Variants in ONECUT3 observed in about 807,000 individuals in gnomAD.
ONECUT3 encodes one cut homeobox 3, also known as one cut domain family member 3.
Under a neutral mutation model 16.8 loss-of-function variants are expected in ONECUT3, and 11 were observed. The observed-to-expected ratio is 0.66, with a 90% CI of 0.41 to 1.09. ONECUT3 has a LOEUF of 1.09. ONECUT3 is among the 50% of genes least tolerant of loss of function. The pLI, the probability that ONECUT3 is intolerant of heterozygous loss-of-function variation, is 0.00. For missense variants in ONECUT3, 637 were observed against 629.9 expected, an observed-to-expected ratio of 1.01 and a Z score of -0.12; for synonymous variants, 344 against 310.7, an observed-to-expected ratio of 1.11 and a Z score of -1.13.
rs552622199 is a variant in ONECUT3, at chr19:1,755,892, G to C, written c.1192+1038G>C. On this transcript the variant is annotated intron_variant, in intron 1 of 1. Transcript: ENST00000382349. The surrounding 1 kb of genome is among the most constrained non-coding windows in gnomAD (Gnocchi z 7.5). Reference sequence around the variant, plus strand: ...CCATTTCCTAGGTGGGGGTGTAAGGGTGCAGGAGGGCCCCTGGCCTAGGTG... The same window carrying C: ...CCATTTCCTAGGTGGGGGTGTAAGGCTGCAGGAGGGCCCCTGGCCTAGGTG... Among the ~76,000 whole-genome samples, 36 of 152,238 alleles carry C rather than the reference G, an allele frequency of 2.4e-4. No homozygotes were observed. Among genetic ancestry groups the C allele is most frequent in the African/African-American group, 8.4e-4 (35 of 41,542 alleles).
chr19:1,761,378 C>T (rs1424582581), intron 1 of ONECUT3, among the ~76,000 whole-genome samples: 1 of 152,166 alleles, frequency 6.6e-6, no homozygotes, highest in African/African-American at 2.4e-5. Context: ...CTGCCGTCTC[C>T]CCCACATCCT....
In ONECUT3 at chr19:1,755,183, TTGTGTGTGTGCGTG is replaced by T. The variant is rs1351728284; in HGVS notation, c.1192+340_1192+353del. On this transcript the variant is annotated intron_variant, in intron 1 of 1. Transcript: ENST00000382349. This position sits in a 1 kb window ranked among gnomAD's most constrained non-coding sequence, Gnocchi z 7.5. ...CCCAAGCAGCCCTCAGGGAAGCTCATTGTGTGTGTGCGTGTGTGTGTGTGAGCGCGCGCCTGTTG... is the reference window on the plus strand; with the variant it reads ...CCCAAGCAGCCCTCAGGGAAGCTCATTGTGTGTGTGAGCGCGCGCCTGTTG... Among the ~76,000 whole-genome samples the T allele has an allele frequency of 6.6e-6, 1 of 151,832 alleles. No homozygotes were observed. Among genetic ancestry groups the T allele is most frequent in the Non-Finnish European group, 1.5e-5 (1 of 67,928 alleles).
chr19:1,759,231 G>T lies in ONECUT3; in HGVS notation c.1192+4377G>T, dbSNP rs573334259. Among the ~76,000 whole-genome samples the T allele has an allele frequency of 5.3e-4, 80 of 152,308 alleles. No homozygotes were observed. The highest frequency in any genetic ancestry group is 1.9e-4 in the East Asian group (1 of 5,184). ...TGTTTGGTGGTGGGTGAGCAGGGGG[G>T]ATGCCAGGGACTGGGGACCTGAGGG... On this transcript the variant is annotated intron_variant, in intron 1 of 1. Coordinates refer to ENST00000382349, the MANE Select transcript of ONECUT3 (RefSeq NM_001080488.2). The surrounding 1 kb of genome is among the most constrained non-coding windows in gnomAD (Gnocchi z 4.1).
intron 1 of ONECUT3, among the ~76,000 whole-genome samples, chr19:1,761,144 C>T (rs2067944480): frequency 1.3e-5 from 2 of 150,918 alleles, no homozygotes; most frequent in Non-Finnish European, 2.9e-5. Flanking sequence ...CCTCTGCCTC[C>T]CAGGTTCAAG....
chr19:1,775,399 C>A lies in ONECUT3; in HGVS notation c.1439C>A (p.Ala480Asp), dbSNP rs1200761811. 1.3e-6 allele frequency: 2 copies of A among 1,528,974 alleles called. No individual in the cohort carries two copies. The highest frequency in any genetic ancestry group is 1.2e-5 in the South Asian group (1 of 82,266). 94.7% of individuals were successfully genotyped at this position (1,528,974 alleles called of 1,614,324 possible). Residue 480 changes from alanine (A) to aspartate (D), a missense_variant, in exon 2 of 2, where the codon GCC becomes GAC. Ala to Asp is a moderately radical substitution (Grantham distance 126). Around this residue, in one of 3 missense-constraint regions of ONECUT3, gnomAD observed 183 missense variants for 188.3 expected, o/e 0.97. Coordinates refer to ENST00000382349, the MANE Select transcript of ONECUT3 (RefSeq NM_001080488.2). Reference sequence around the variant, plus strand: ...CGCTGGGCTGAGGAGCCCAGCACGGCCCCCGGGGGCCCCGCCGGCGCCACG... The same window carrying A: ...CGCTGGGCTGAGGAGCCCAGCACGGACCCCGGGGGCCCCGCCGGCGCCACG... ...MNRWAEEPST[A>D]PGGPAGATAT...
chr19:1,774,463 A>G (rs956403526), intron 1 of ONECUT3, among the ~76,000 whole-genome samples: 4 of 151,644 alleles, frequency 2.6e-5, no homozygotes, highest in African/African-American at 9.7e-5. Flanking sequence ...TGGTTAGCCC[A>G]CCATTTCTGG....
In ONECUT3 at chr19:1,770,819, T is replaced by C. The variant is rs867949957; in HGVS notation, c.1193-4334T>C. Among the ~76,000 whole-genome samples the C allele has an allele frequency of 5.3e-5, 8 of 152,202 alleles. No individual in the cohort carries two copies. In the South Asian group the frequency reaches 1.2e-3, roughly 24 times the overall value. ...TCTTTATGCAGATAAAATATAAACA[T>C]AGGTTCTTGTCTCTCCTTTCACACA... On this transcript the variant is annotated intron_variant, in intron 1 of 1. Coordinates refer to ENST00000382349, the MANE Select transcript of ONECUT3 (RefSeq NM_001080488.2).
Position 1,767,727 on chromosome 19 carries a change from G to T in ONECUT3, c.1193-7426G>T, listed in dbSNP as rs60472666. ...TTCCTGATCCCACCTGCCCAGAAAA[G>T]AAAACGACCCTTGTTGATGCTGGGG... On this transcript the variant is annotated intron_variant, in intron 1 of 1. Coordinates refer to ENST00000382349, the MANE Select transcript of ONECUT3 (RefSeq NM_001080488.2). 0.012 allele frequency among the ~76,000 whole-genome samples: 1,879 copies of T among 152,198 alleles called. 103 individuals carry two copies. The East Asian group carries it at 0.18, about 15-fold the overall frequency.
chr19:1,760,448 A>C (rs1010147307), intron 1 of ONECUT3, among the ~76,000 whole-genome samples: 1 of 151,282 alleles, frequency 6.6e-6, no homozygotes. Flanking sequence ...GGCACTTTCC[A>C]CGTTCTCAGC....
rs935843560 is a variant in ONECUT3, at chr19:1,780,529, G to C, written c.*5084G>C. The stretch of plus-strand genomic sequence containing the variant: ...CGCTTTTGGGACAGGCCCCAGTAGG[G>C]GGGGGCGGGGTAGCTAAACGGGGTG... On this transcript the variant is annotated 3_prime_UTR_variant, in exon 2 of 2. Coordinates refer to ENST00000382349, the MANE Select transcript of ONECUT3 (RefSeq NM_001080488.2). The C allele has an allele frequency of 1.3e-5, 2 of 152,388 alleles. No homozygotes were observed. Among genetic ancestry groups the C allele is most frequent in the South Asian group, 2.1e-4 (1 of 4,828 alleles). The allele number at this position is 152,388 out of a possible 1,614,324, so 9.4% of individuals were successfully genotyped here.
rs2068130182 is a variant in ONECUT3, at chr19:1,778,537, G to C, written c.*3092G>C. On this transcript the variant is annotated 3_prime_UTR_variant, in exon 2 of 2. Coordinates refer to ENST00000382349, the MANE Select transcript of ONECUT3 (RefSeq NM_001080488.2). ...GGAGCACGGGCCTGGCGGGGTGCTG[G>C]GTCTCCTAGATGCCCTCTGCTTGGC... 6.6e-6 allele frequency: 1 copy of C among 152,004 alleles called. No homozygotes were observed. The highest frequency in any genetic ancestry group is 1.5e-5 in the Non-Finnish European group (1 of 68,026). 9.4% of individuals were successfully genotyped at this position (152,004 alleles called of 1,614,324 possible). A position where few individuals can be genotyped will look rare whatever the true frequency, so the allele number is the denominator to read the frequency against.
Position 1,758,337 on chromosome 19 carries a change from C to CAG in ONECUT3, c.1192+3487_1192+3488dup, listed in dbSNP as rs1355859261. Among the ~76,000 whole-genome samples, 24 of 134,910 alleles carry CAG rather than the reference C, an allele frequency of 1.8e-4. No homozygotes were observed. The highest frequency in any genetic ancestry group is 6.7e-4 in the Admixed American group (9 of 13,510). 88.5% of individuals were successfully genotyped at this position (134,910 alleles called of 152,430 possible). On this transcript the variant is annotated intron_variant, in intron 1 of 1. Transcript: ENST00000382349. This position sits in a 1 kb window ranked among gnomAD's most constrained non-coding sequence, Gnocchi z 5.9. The stretch of plus-strand genomic sequence containing the variant: ...AAAAAGAGAGAGAGAGAGAGAGAGA[C>CAG]AGAGATGGGAGAGGAACTCTGGGTG...
chr19:1,770,383 G>A (rs925924995), intron 1 of ONECUT3, among the ~76,000 whole-genome samples: 2 of 152,104 alleles, frequency 1.3e-5, no homozygotes, highest in African/African-American at 2.4e-5. Context: ...GATGCAGTGA[G>A]TCATGATTGC....
At position 1,778,008 on chromosome 19, in the gene ONECUT3, A is replaced by AT. The variant is rs1276818493; in HGVS notation, c.*2563_*2564insT. 1.3e-5 allele frequency: 2 copies of AT among 151,634 alleles called. 1 individual carries two copies. The highest frequency in any genetic ancestry group is 2.9e-5 in the Non-Finnish European group (2 of 67,924). The allele number at this position is 151,634 out of a possible 1,614,324, so 9.4% of individuals were successfully genotyped here. ...AAAACTCCCTCTCAAAAAAAAAAAA[A>AT]AAAAAAAAAACTTTAGGTCCAAGAA... On this transcript the variant is annotated 3_prime_UTR_variant, in exon 2 of 2. Transcript: ENST00000382349.
chr19:1,773,292 T>C (rs1315458465), intron 1 of ONECUT3, among the ~76,000 whole-genome samples: 1 of 149,812 alleles, frequency 6.7e-6, no homozygotes, highest in Admixed American at 6.7e-5. Flanking sequence ...CTCCCTCTCT[T>C]TTTCATGTTA....
At chr19:1,775,126 G>GGGCCCCCCCCCCCCCCCCCCC in intron 1 of ONECUT3, 27 bp from the exon 2 acceptor site, 8 of 1,143,892 alleles carry the variant, frequency 7.0e-6, no homozygotes, top group Non-Finnish European at 8.4e-6. Flanking sequence ...TGTCCCGCTC[G>GGGCCCCCCCCCCCCCCCCCCC]CCCGCCCGCC....
rs1028257906 is a variant in ONECUT3, at chr19:1,753,870, GGCGCGGGCA to G, written c.217_225del (p.Ser73_Gly75del). ...CGGTGGGGGCGCCGGGGGCGCGGGCGGCGCGGGCAGCGCGGGCGGCGGCGCGGACTTCCG... is the reference window on the plus strand; with the variant it reads ...CGGTGGGGGCGCCGGGGGCGCGGGCGGCGCGGGCGGCGGCGCGGACTTCCG... On this transcript the variant is annotated inframe_deletion, in exon 1 of 2. Transcript: ENST00000382349. 179 of 977,966 alleles carry G rather than the reference GGCGCGGGCA, an allele frequency of 1.8e-4. No homozygotes were observed. The East Asian group carries it at 2.8e-3, about 15-fold the overall frequency. 60.6% of individuals were successfully genotyped at this position (977,966 alleles called of 1,614,324 possible).
rs2067911198 is a variant in ONECUT3 at position 1,755,363 on chromosome 19, A to G, written c.1192+509A>G. The stretch of plus-strand genomic sequence containing the variant: ...ACGTTGCGGCGGGCGCCTGCAGCTC[A>G]GCAGCAGAGGCCGAGCCCGCGCTCA... On this transcript the variant is annotated intron_variant, in intron 1 of 1. Transcript: ENST00000382349. This position sits in a 1 kb window ranked among gnomAD's most constrained non-coding sequence, Gnocchi z 7.5. 6.6e-6 allele frequency among the ~76,000 whole-genome samples: 1 copy of G among 151,754 alleles called. No individual in the cohort carries two copies. Among genetic ancestry groups the G allele is most frequent in the Non-Finnish European group, 1.5e-5 (1 of 67,890 alleles).
rs2145961719 is a variant in ONECUT3, at chr19:1,764,814, A to AG, written c.1192+9966dup. ...GAGAGGCCACGGGGGGGGGATGCGCAGGGGGGACAAGACACCAGCATGGGG... is the reference window on the plus strand; with the variant it reads ...GAGAGGCCACGGGGGGGGGATGCGCAGGGGGGGACAAGACACCAGCATGGGG... On this transcript the variant is annotated intron_variant, in intron 1 of 1. Transcript: ENST00000382349. This position sits in a 1 kb window ranked among gnomAD's most constrained non-coding sequence, Gnocchi z 5.0. Among the ~76,000 whole-genome samples the AG allele has an allele frequency of 9.7e-6, 1 of 103,470 alleles. No individual in the cohort carries two copies. Among genetic ancestry groups the AG allele is most frequent in the South Asian group, 3.7e-4 (1 of 2,672 alleles). The allele number at this position is 103,470 out of a possible 152,430, so 67.9% of individuals were successfully genotyped here.
Sources: allele counts gnomAD v4.1 joint callset (sites outside exome capture counted in the v4.1 genomes callset), GRCh38; gene constraint gnomAD v4.1.1; regional missense constraint gnomAD v4.1.1; non-coding constraint Gnocchi (gnomAD v3.1); transcripts MANE v1.5; gene names NCBI Gene and HGNC (gene_info 2026-07-23, HGNC 2026-07-21).